CNTN6: variants seen among roughly 807,000 people sequenced by gnomAD.
The protein encoded by CNTN6 is contactin-6.
In CNTN6, 137 loss-of-function variants were observed where a neutral mutation model predicts 122.8. The observed-to-expected ratio is 1.12, with a 90% CI of 0.97 to 1.29. The LOEUF (loss-of-function observed/expected upper bound fraction) is 1.29. Among genes scored for constraint, CNTN6 ranks in the 50% most tolerant of loss-of-function variants. The pLI, the probability that CNTN6 is intolerant of heterozygous loss-of-function variation, is 0.00. For synonymous variants in CNTN6, 570 were observed against 426.0 expected, an observed-to-expected ratio of 1.34 and a Z score of -4.16; for missense variants, 1,634 against 1,223.4, an observed-to-expected ratio of 1.34 and a Z score of -5.01.
chr3:1,324,548 C>T (rs764164214), intron 8 of CNTN6, among the ~76,000 whole-genome samples: 3 of 149,620 alleles, frequency 2.0e-5, no homozygotes, highest in Non-Finnish European at 4.4e-5. Flanking sequence ...CAGTAGTTTA[C>T]ACCTGCACTA....
intron 4 of CNTN6, among the ~76,000 whole-genome samples, chr3:1,278,044 A>T (rs1692735575): frequency 6.6e-6 from 1 of 152,186 alleles, no homozygotes; most frequent in African/African-American, 2.4e-5. Context: ...CATTAATCTA[A>T]GATGTTGGAA....
intron 11 of CNTN6, among the ~76,000 whole-genome samples, chr3:1,337,674 C>T (rs1033341704): frequency 6.6e-6 from 1 of 152,104 alleles, no homozygotes; most frequent in Non-Finnish European, 1.5e-5. Context: ...TAATGCCAGG[C>T]TTATTACAAT....
intron 12 of CNTN6, among the ~76,000 whole-genome samples, chr3:1,369,442 T>C (rs1708684495): frequency 6.6e-6 from 1 of 151,594 alleles, no homozygotes; most frequent in Admixed American, 6.6e-5. Context: ...TAGCATAGGA[T>C]TGGACATACA....
chr3:1,100,531 A>T (rs115975015), intron 1 of CNTN6, among the ~76,000 whole-genome samples: 3,511 of 152,166 alleles, frequency 0.023, 154 homozygotes, highest in African/African-American at 0.081. Context: ...GCAAGCTCCT[A>T]AATCTTTCTT....
intron 1 of CNTN6, among the ~76,000 whole-genome samples, chr3:1,136,838 T>G: frequency 6.6e-6 from 1 of 152,204 alleles, no homozygotes; most frequent in East Asian, 1.9e-4. Flanking sequence ...TTATCATCTG[T>G]GTGCACTTTG....
At chr3:1,143,473 A>G (rs907027439) in intron 1 of CNTN6, among the ~76,000 whole-genome samples, 12 of 152,070 alleles carry the variant, frequency 7.9e-5, no homozygotes, top group African/African-American at 2.9e-4. Flanking sequence ...TTATTACACC[A>G]TTTTGCCTCA....
chr3:1,300,563 A>G (rs894246352), intron 7 of CNTN6, among the ~76,000 whole-genome samples: 161 of 40,888 alleles, frequency 3.9e-3, no homozygotes, highest in African/African-American at 0.024. Context: ...AAGAAAAAGA[A>G]AGAAAGAAAG....
intron 20 of CNTN6, among the ~76,000 whole-genome samples, chr3:1,396,790 G>C (rs374626506): frequency 7.9e-5 from 12 of 152,296 alleles, no homozygotes; most frequent in African/African-American, 2.9e-4. Context: ...ATGAAAAACA[G>C]CTTTACTGAA....
At chr3:1,265,646 C>A (rs534584042) in intron 4 of CNTN6, among the ~76,000 whole-genome samples, 1 of 152,122 alleles carries the variant, frequency 6.6e-6, no homozygotes, top group African/African-American at 2.4e-5. Flanking sequence ...CATTCTATAT[C>A]TTGATTTTCT....
At chr3:1,342,124 T>TTTTGTTTGTTTG (rs569765087) in intron 11 of CNTN6, among the ~76,000 whole-genome samples, 4 of 151,954 alleles carry the variant, frequency 2.6e-5, no homozygotes, top group Non-Finnish European at 5.9e-5. Context: ...GGTCTATTTC[T>TTTTGTTTGTTTG]TTTGTTTGTT....
chr3:1,198,219 C>A (rs2093806968), intron 2 of CNTN6, among the ~76,000 whole-genome samples: 1 of 151,888 alleles, frequency 6.6e-6, no homozygotes, highest in Non-Finnish European at 1.5e-5. Context: ...TGGTATGCTA[C>A]CAAAAAAAAT....
At chr3:1,371,594 A>G (rs1470684366) in intron 12 of CNTN6, among the ~76,000 whole-genome samples, 1 of 152,136 alleles carries the variant, frequency 6.6e-6, no homozygotes, top group Non-Finnish European at 1.5e-5. Context: ...CTCAAGTACA[A>G]CTGGCACACC....
chr3:1,210,425 G>GA (rs67994490), intron 2 of CNTN6, among the ~76,000 whole-genome samples: 5 of 52,128 alleles, frequency 9.6e-5, no homozygotes, highest in Non-Finnish European at 1.6e-4. Context: ...AAAAAGGAAA[G>GA]AAAAAAAAAA....
intron 7 of CNTN6, among the ~76,000 whole-genome samples, chr3:1,308,140 TCA>T (rs1451445245): frequency 3.9e-5 from 6 of 152,314 alleles, no homozygotes; most frequent in East Asian, 1.9e-4. Flanking sequence ...CAGTACTGAC[TCA>T]CATATAATTA....
chr3:1,338,590 A>C (rs1314413066), intron 11 of CNTN6, among the ~76,000 whole-genome samples: 2 of 152,168 alleles, frequency 1.3e-5, no homozygotes, highest in East Asian at 3.9e-4. Context: ...GAAGAGATAT[A>C]AATCCTTAGT....
intron 2 of CNTN6, among the ~76,000 whole-genome samples, chr3:1,162,752 G>A (rs894009929): frequency 4.6e-5 from 7 of 152,218 alleles, no homozygotes; most frequent in Admixed American, 6.5e-5. Flanking sequence ...CCAAAAGCAC[G>A]TGAGGATTGA....
intron 1 of CNTN6, among the ~76,000 whole-genome samples, chr3:1,110,379 T>C (rs1315818660): frequency 6.6e-6 from 1 of 152,068 alleles, no homozygotes; most frequent in Non-Finnish European, 1.5e-5. Context: ...ACTTTCTGTA[T>C]TACTGTCAAA....
At chr3:1,300,335 G>C (rs1696990124) in intron 7 of CNTN6, among the ~76,000 whole-genome samples, 2 of 151,898 alleles carry the variant, frequency 1.3e-5, no homozygotes, top group Non-Finnish European at 2.9e-5. Flanking sequence ...ATGCCCAAGG[G>C]AGAGTAGGTG....
At chr3:1,312,877 A>G (rs1014662312) in intron 7 of CNTN6, among the ~76,000 whole-genome samples, 4 of 151,164 alleles carry the variant, frequency 2.6e-5, no homozygotes, top group African/African-American at 9.7e-5. Flanking sequence ...CCTAATCCCA[A>G]TTTGTTCATC....
Sources: gnomAD v4.1 joint callset for allele counts (sites outside exome capture counted in the v4.1 genomes callset) on GRCh38, gnomAD v4.1.1 for gene constraint, MANE v1.5 for transcripts, NCBI Gene and HGNC (gene_info 2026-07-23, HGNC 2026-07-21) for gene names.